Variants in ZNF536 observed in about 807,000 individuals in gnomAD.
The protein encoded by ZNF536 is zinc finger protein 536.
In ZNF536, 13 loss-of-function variants were observed where a neutral mutation model predicts 84.5. The observed-to-expected ratio is 0.15, with a 90% CI of 0.10 to 0.24. ZNF536 has a LOEUF of 0.24. Ranked by LOEUF, ZNF536 falls within the 10% of genes least tolerant of loss-of-function variation. The pLI is 1.00. For missense variants in ZNF536, 1,536 were observed against 1,747.5 expected (o/e 0.88, Z 2.16); for synonymous variants, 811 against 742.5 (o/e 1.09, Z -1.50).
chr19:30,619,146 T>C (rs1568608540), intron 1 of ZNF536, among the ~76,000 whole-genome samples: 1 of 152,178 alleles, frequency 6.6e-6, no homozygotes, highest in Non-Finnish European at 1.5e-5. Context: ...AAATACTCTT[T>C]TTTTTCGGGT....
chr19:30,472,698 T>G (rs1249513389), intron 2 of ZNF536, among the ~76,000 whole-genome samples: 1 of 152,176 alleles, frequency 6.6e-6, no homozygotes, highest in East Asian at 1.9e-4. Flanking sequence ...TTGACTAATA[T>G]GAAATCATCA....
intron 2 of ZNF536, among the ~76,000 whole-genome samples, chr19:30,452,870 G>T (rs1323499903): frequency 2.6e-5 from 4 of 151,976 alleles, no homozygotes; most frequent in African/African-American, 4.8e-5. Context: ...TCTGATGGGT[G>T]CATCTCTCCA....
chr19:30,654,561 C>T (rs1440654357), intron 1 of ZNF536, among the ~76,000 whole-genome samples: 1 of 152,190 alleles, frequency 6.6e-6, no homozygotes, highest in Non-Finnish European at 1.5e-5. Context: ...TCCATGACTG[C>T]ACCTGGTTGA....
chr19:30,659,722 C>T (rs1290162851), intron 1 of ZNF536, among the ~76,000 whole-genome samples: 1 of 151,646 alleles, frequency 6.6e-6, no homozygotes, highest in Non-Finnish European at 1.5e-5. Context: ...GGAAACAGCC[C>T]CCATGATACA....
At chr19:30,407,539 A>G (rs2050312998) in intron 1 of ZNF536, among the ~76,000 whole-genome samples, 1 of 152,194 alleles carries the variant, frequency 6.6e-6, no homozygotes. Flanking sequence ...CGACAGTCAC[A>G]AGCCGGGGCC....
chr19:30,234,514 G>A (rs575671398), intron 1 of ZNF536, among the ~76,000 whole-genome samples: 130 of 142,286 alleles, frequency 9.1e-4, no homozygotes, highest in Admixed American at 1.4e-3. Flanking sequence ...GGGTCCTCCC[G>A]CCTCAGCCTC....
At chr19:30,702,209 C>T (rs1429530022) in intron 1 of ZNF536, among the ~76,000 whole-genome samples, 1 of 152,180 alleles carries the variant, frequency 6.6e-6, no homozygotes, top group African/African-American at 2.4e-5. Context: ...AAAAATATCT[C>T]GTTTCCCCAC....
At chr19:30,522,473 T>C (rs958613629) in intron 2 of ZNF536, among the ~76,000 whole-genome samples, 2 of 151,516 alleles carry the variant, frequency 1.3e-5, no homozygotes, top group African/African-American at 4.8e-5. Flanking sequence ...ACTTCAGAGC[T>C]GGCAATTGAC....
At position 30,361,139 on chromosome 19, in the gene ZNF536, A is replaced by C. The variant is rs529721510; in HGVS notation, c.-3+8655A>C. ...CATTTTTAATATTTGATTTCATTTT[A>C]AGTTATGTGTTTTACTGAGAAGATG... On this transcript the variant is annotated intron_variant, in intron 3 of 5. Transcript: ENST00000585628. 3.9e-5 allele frequency among the ~76,000 whole-genome samples: 6 copies of C among 152,258 alleles called. No individual in the cohort carries two copies. The South Asian group carries it at 1.2e-3, about 32-fold the overall frequency.
At position 30,467,403 on chromosome 19, in the gene ZNF536, A is replaced by G. The variant is rs1377577884; in HGVS notation, c.2170+21671A>G. ...CCATGTCTGGCTTATTTTGCTTAGC[A>G]TGGCCTCCTCAAGATTCATTCATGT... On this transcript the variant is annotated intron_variant, in intron 2 of 4. Transcript: ENST00000355537. Among the ~76,000 whole-genome samples, 6 of 152,332 alleles carry G rather than the reference A, an allele frequency of 3.9e-5. No individual in the cohort carries two copies. In the Middle Eastern group the frequency reaches 0.01, roughly 259 times the overall value.
At chr19:30,665,337 C>G (rs901632319) in intron 1 of ZNF536, 1 of 151,950 alleles carries the variant, frequency 6.6e-6, no homozygotes, top group African/African-American at 2.4e-5. Flanking sequence ...GAGTGAAACT[C>G]CATCAAAAAA....
intron 1 of ZNF536, among the ~76,000 whole-genome samples, chr19:30,381,997 G>T (rs1302446463): frequency 1.3e-5 from 2 of 152,132 alleles, no homozygotes; most frequent in Admixed American, 6.6e-5. Context: ...GCAGAGAGAA[G>T]AGAATGCTTT....
chr19:30,398,524 T>C (rs758933975), intron 1 of ZNF536, among the ~76,000 whole-genome samples: 15 of 152,150 alleles, frequency 9.9e-5, no homozygotes, highest in Non-Finnish European at 1.8e-4. Context: ...TTTCTCCTAA[T>C]GCTATCCCTC....
chr19:30,442,409 G>A (rs929346656), intron 1 of ZNF536, among the ~76,000 whole-genome samples: 1 of 152,142 alleles, frequency 6.6e-6, no homozygotes, highest in Non-Finnish European at 1.5e-5. Context: ...ACATACTGCA[G>A]GTACAATTTG....
chr19:30,264,839 AG>A (rs1380752792), intron 1 of ZNF536, among the ~76,000 whole-genome samples: 4 of 152,014 alleles, frequency 2.6e-5, no homozygotes, highest in African/African-American at 9.7e-5. Flanking sequence ...AGGCTTAGTT[AG>A]GGGATCCGCT....
At chr19:30,712,312 G>A (rs965942996) in exon 2 of ZNF536, 3 of 151,994 alleles carry the variant, frequency 2.0e-5, no homozygotes, top group Admixed American at 1.3e-4. Context: ...CTAGCATGGT[G>A]TAAAGTTGAG....
At chr19:30,567,738 G>A (rs962280510) in intron 1 of ZNF536, among the ~76,000 whole-genome samples, 17 of 152,172 alleles carry the variant, frequency 1.1e-4, no homozygotes, top group African/African-American at 3.6e-4. Context: ...CATTGTGCCG[G>A]ACTCTGACCA....
chr19:30,379,760 A>T (rs767685133), intron 1 of ZNF536, among the ~76,000 whole-genome samples: 5 of 151,976 alleles, frequency 3.3e-5, no homozygotes, highest in Admixed American at 6.6e-5. Flanking sequence ...CACTGGCTGC[A>T]GGGGATGCTG....
chr19:30,364,428 G>A (rs780278215), intron 3 of ZNF536, among the ~76,000 whole-genome samples: 3 of 152,204 alleles, frequency 2.0e-5, no homozygotes, highest in Admixed American at 6.5e-5. Context: ...TCGGGAGGCT[G>A]AGGTGGGAGG....
Sources: gnomAD v4.1 joint callset for allele counts (sites outside exome capture counted in the v4.1 genomes callset) on GRCh38, gnomAD v4.1.1 for gene constraint, MANE v1.5 for transcripts, NCBI Gene and HGNC (gene_info 2026-07-23, HGNC 2026-07-21) for gene names.